The following DLGAP1 variants were observed in gnomAD, a reference collection of about 807,000 sequenced individuals.
DLGAP1 encodes the protein DLG associated protein 1, also known as disks large-associated protein 1.
A neutral mutation model predicts 90.8 loss-of-function variants in DLGAP1; 11 were observed. The ratio of observed to expected loss-of-function variants is 0.12; its 90% confidence interval spans 0.08 to 0.20. The LOEUF (loss-of-function observed/expected upper bound fraction) is 0.20, where lower values mean the gene tolerates loss of function less well. DLGAP1 is among the 10% of genes least tolerant of loss of function. The pLI is 1.00. For synonymous variants in DLGAP1, 558 were observed against 540.7 expected, an observed-to-expected ratio of 1.03 and a Z score of -0.44; for missense variants, 1,050 against 1,333.8, an observed-to-expected ratio of 0.79 and a Z score of 3.31.
rs1480064900 is a variant in DLGAP1, at chr18:3,499,203, C to T, written c.2916G>A (p.Glu972=). The change falls in exon 13 of 13, where the codon GAG becomes GAA. Residue 972 remains glutamate (E), a synonymous_variant. Coordinates refer to ENST00000315677, the MANE Select transcript of DLGAP1 (RefSeq NM_004746.4). This position sits in a 1 kb window ranked among gnomAD's most constrained non-coding sequence, Gnocchi z 6.4. ...GGGGCGCTCAGAGCCGGGTCTGCGC[C>T]TCGGGGATGTAGATCTCGATGCTCT... The part of the protein sequence containing the change: ...SAESIEIYIP[E]AQTRL 1.3e-6 allele frequency: 2 copies of T among 1,590,872 alleles called. No individual in the cohort carries two copies. Among genetic ancestry groups the T allele is most frequent in the African/African-American group, 1.4e-5 (1 of 73,462 alleles).
rs554727350 is a variant in DLGAP1, at chr18:3,873,969, T to A, written c.957+5143A>T. On this transcript the variant is annotated intron_variant, in intron 4 of 12. Transcript: ENST00000315677. ...GACACAGATTTGTAGATATCTGATGTCTCCATCTGCTTTTTTACTATCTGT... is the reference window on the plus strand; with the variant it reads ...GACACAGATTTGTAGATATCTGATGACTCCATCTGCTTTTTTACTATCTGT... Among the ~76,000 whole-genome samples, 3 of 152,170 alleles carry A rather than the reference T, an allele frequency of 2.0e-5. No individual in the cohort carries two copies. The South Asian group carries it at 6.2e-4, about 31-fold the overall frequency.
chr18:4,232,115 C>T (rs909100061), intron 1 of DLGAP1, among the ~76,000 whole-genome samples: 1 of 152,052 alleles, frequency 6.6e-6, no homozygotes, highest in Non-Finnish European at 1.5e-5. Context: ...CACATTTACA[C>T]CTATTAATTT....
chr18:4,444,870 G>T (rs916827445), intron 1 of DLGAP1, among the ~76,000 whole-genome samples: 1 of 152,114 alleles, frequency 6.6e-6, no homozygotes, highest in African/African-American at 2.4e-5. Context: ...TATGTAAGAC[G>T]AATTATCCTT....
chr18:4,376,423 C>T (rs757012864), intron 1 of DLGAP1, among the ~76,000 whole-genome samples: 28 of 152,114 alleles, frequency 1.8e-4, no homozygotes, highest in Non-Finnish European at 3.2e-4. Context: ...CTTTATCTCA[C>T]ATACCCCATA....
intron 1 of DLGAP1, among the ~76,000 whole-genome samples, chr18:4,185,463 C>T (rs899125556): frequency 2.0e-4 from 30 of 152,150 alleles, no homozygotes; most frequent in Admixed American, 6.6e-4. Flanking sequence ...CTGTATTTAT[C>T]CATGTGTTTT....
chr18:3,520,223 T>A (rs1024246901), intron 10 of DLGAP1, among the ~76,000 whole-genome samples: 1 of 152,100 alleles, frequency 6.6e-6, no homozygotes, highest in African/African-American at 2.4e-5. Flanking sequence ...GTGTCCTTGG[T>A]CTGATTCTCT....
intron 2 of DLGAP1, among the ~76,000 whole-genome samples, chr18:4,035,965 A>T (rs946566971): frequency 1.3e-5 from 2 of 152,052 alleles, no homozygotes; most frequent in Non-Finnish European, 2.9e-5. Context: ...TTAGTCTACT[A>T]AGACTAAGTG....
At chr18:3,731,379 C>G (rs930211411) in intron 6 of DLGAP1, among the ~76,000 whole-genome samples, 2 of 152,022 alleles carry the variant, frequency 1.3e-5, no homozygotes, top group African/African-American at 4.8e-5. Flanking sequence ...AAATATAATT[C>G]TGCAACTTGT....
intron 1 of DLGAP1, among the ~76,000 whole-genome samples, chr18:4,224,120 C>T (rs954916490): frequency 3.9e-5 from 6 of 152,122 alleles, no homozygotes; most frequent in African/African-American, 1.2e-4. Flanking sequence ...AGTGGAAGAA[C>T]TCAGTCCTGG....
intron 2 of DLGAP1, among the ~76,000 whole-genome samples, chr18:4,042,216 T>G (rs1410349647): frequency 6.6e-6 from 1 of 152,216 alleles, no homozygotes; most frequent in Non-Finnish European, 1.5e-5. Context: ...ATCATTCAGG[T>G]CACTTGGAAG....
chr18:3,539,227 A>G (rs564392328), intron 9 of DLGAP1, among the ~76,000 whole-genome samples: 6 of 152,348 alleles, frequency 3.9e-5, no homozygotes, highest in Admixed American at 1.3e-4. Context: ...AGGAACACAA[A>G]ATGAGGTCCC....
chr18:3,596,875 G>A, intron 7 of DLGAP1: 1 of 520,104 alleles, frequency 1.9e-6, no homozygotes, highest in Non-Finnish European at 3.8e-6. Flanking sequence ...CGTGTTTGAT[G>A]TTGGCCAATG....
chr18:3,891,686 C>T (rs912228584), intron 3 of DLGAP1, among the ~76,000 whole-genome samples: 20 of 152,100 alleles, frequency 1.3e-4, no homozygotes, highest in African/African-American at 4.8e-4. Context: ...TCTCAAACAA[C>T]CCAATATGGT....
At chr18:4,001,732 G>A (rs2074189656) in intron 3 of DLGAP1, among the ~76,000 whole-genome samples, 1 of 152,074 alleles carries the variant, frequency 6.6e-6, no homozygotes, top group Non-Finnish European at 1.5e-5. Context: ...TCCTCAATGT[G>A]GGGTTTTGCT....
In DLGAP1 at chr18:3,680,543, T is replaced by C. The variant is rs138499932; in HGVS notation, c.1591+48592A>G. Among the ~76,000 whole-genome samples the C allele has an allele frequency of 7.9e-3, 1,199 of 152,260 alleles. 22 individuals carry two copies. Among genetic ancestry groups the C allele is most frequent in the African/African-American group, 0.026 (1,095 of 41,554 alleles). ...TGGCTCACGCCTGTAATCCCAGCAC[T>C]TTGGGAGGCTGAGGTGGGCAGATCA... On this transcript the variant is annotated intron_variant, in intron 7 of 12. Coordinates refer to ENST00000315677, the MANE Select transcript of DLGAP1 (RefSeq NM_004746.4).
chr18:3,993,297 A>G (rs1341199952), intron 3 of DLGAP1: 1 of 152,186 alleles, frequency 6.6e-6, no homozygotes, highest in African/African-American at 2.4e-5. Flanking sequence ...GACTCTTAGA[A>G]AAAAGAAAAG....
intron 4 of DLGAP1, among the ~76,000 whole-genome samples, chr18:3,870,067 T>G (rs768861382): frequency 6.6e-6 from 1 of 152,150 alleles, no homozygotes; most frequent in Admixed American, 6.6e-5. Flanking sequence ...TACTGCCCCC[T>G]TCAGTAAATA....
intron 1 of DLGAP1, among the ~76,000 whole-genome samples, chr18:4,304,283 A>C (rs1349792639): frequency 1.3e-5 from 2 of 152,240 alleles, no homozygotes; most frequent in East Asian, 1.9e-4. Flanking sequence ...TAAGATTGTT[A>C]AATAGTAAAT....
chr18:3,535,275 A>C (rs1342079575), intron 9 of DLGAP1, among the ~76,000 whole-genome samples: 1 of 152,170 alleles, frequency 6.6e-6, no homozygotes, highest in African/African-American at 2.4e-5. Context: ...AAGCCAGTAG[A>C]ATGTGCAGCT....
Sources: gnomAD v4.1 joint callset for allele counts (sites outside exome capture counted in the v4.1 genomes callset) on GRCh38, gnomAD v4.1.1 for gene constraint, Gnocchi (gnomAD v3.1) non-coding constraint, MANE v1.5 for transcripts, NCBI Gene and HGNC (gene_info 2026-07-23, HGNC 2026-07-21) for gene names.